The following MMP26 variants were observed in gnomAD, a reference collection of about 807,000 sequenced individuals.
MMP26 encodes the protein matrix metalloproteinase-26.
A neutral mutation model predicts 31.0 loss-of-function variants in MMP26; 33 were observed. The observed-to-expected ratio is 1.06, with a 90% CI of 0.81 to 1.42. The LOEUF (loss-of-function observed/expected upper bound fraction) is 1.42, where lower values mean the gene tolerates loss of function less well. MMP26 is among the 40% of genes most tolerant of loss of function. The pLI is 0.00. For synonymous variants in MMP26, 122 were observed against 114.9 expected, an observed-to-expected ratio of 1.06 and a Z score of -0.40; for missense variants, 347 against 316.1, an observed-to-expected ratio of 1.10 and a Z score of -0.74.
At chr11:4,969,553 A>T (rs1484801384) in intron 2 of MMP26, among the ~76,000 whole-genome samples, 1 of 152,100 alleles carries the variant, frequency 6.6e-6, no homozygotes, top group Non-Finnish European at 1.5e-5. Context: ...AAACATTACA[A>T]AAGTAGAAAC....
At chr11:4,921,952 T>C (rs559594412) in intron 2 of MMP26, among the ~76,000 whole-genome samples, 3 of 152,316 alleles carry the variant, frequency 2.0e-5, no homozygotes, top group Non-Finnish European at 4.4e-5. Flanking sequence ...ATCACCTGAG[T>C]AATGTGTATT....
intron 2 of MMP26, among the ~76,000 whole-genome samples, chr11:4,978,633 T>G (rs566018518): frequency 1.3e-5 from 2 of 152,088 alleles, no homozygotes; most frequent in African/African-American, 4.8e-5. Context: ...ATTAAAAAAA[T>G]TAACACAATG....
At position 4,706,077 on chromosome 11, in the gene MMP26, T is replaced by C. The variant is rs1027838818; in HGVS notation, c.-217+1032T>C. Among the ~76,000 whole-genome samples the C allele has an allele frequency of 2.6e-4, 40 of 152,104 alleles. No individual in the cohort carries two copies. The East Asian group carries it at 6.2e-3, about 24-fold the overall frequency. Reference sequence around the variant, plus strand: ...TTACGTTTCCCTTTGATTGCAGGAGTTGAAGAAAGATTCTATGAGCTATGT... The same window carrying C: ...TTACGTTTCCCTTTGATTGCAGGAGCTGAAGAAAGATTCTATGAGCTATGT... On this transcript the variant is annotated intron_variant, in intron 1 of 7. Transcript: ENST00000380390.
intron 2 of MMP26, among the ~76,000 whole-genome samples, chr11:4,812,525 G>A (rs941582763): frequency 1.2e-4 from 18 of 151,884 alleles, no homozygotes; most frequent in Non-Finnish European, 2.9e-5. Context: ...AAAGGAGAAG[G>A]GGAAAGAAAA....
intron 2 of MMP26, among the ~76,000 whole-genome samples, chr11:4,856,379 C>T (rs11607868): frequency 0.33 from 50,373 of 151,736 alleles, 9,101 homozygotes; most frequent in Non-Finnish European, 0.41. Context: ...GGAGGAAGAT[C>T]TACCAAGCAA....
chr11:4,710,701 G>A (rs4382899), intron 1 of MMP26: 272,710 of 330,266 alleles, frequency 0.83, 113,226 homozygotes, highest in African/African-American at 0.9. Context: ...AGATTATGTC[G>A]GTACTTCTGA....
chr11:4,741,487 T>C (rs1457094760), intron 1 of MMP26, among the ~76,000 whole-genome samples: 2 of 152,186 alleles, frequency 1.3e-5, no homozygotes, highest in Non-Finnish European at 2.9e-5. Context: ...AATGAGATCA[T>C]GTCCTTTGCA....
intron 2 of MMP26, chr11:4,848,432 A>G (rs1184122974): frequency 6.2e-7 from 1 of 1,614,056 alleles, no homozygotes; most frequent in East Asian, 2.2e-5. Flanking sequence ...TCATAGGGAT[A>G]TAGAAGAGGA....
intron 2 of MMP26, among the ~76,000 whole-genome samples, chr11:4,864,759 A>C (rs1850211936): frequency 6.6e-6 from 1 of 152,106 alleles, no homozygotes; most frequent in Non-Finnish European, 1.5e-5. Flanking sequence ...ACTCCCCTGA[A>C]GATATCAGGC....
intron 1 of MMP26, among the ~76,000 whole-genome samples, chr11:4,716,355 A>G (rs1847929834): frequency 6.6e-6 from 1 of 152,190 alleles, no homozygotes; most frequent in African/African-American, 2.4e-5. Flanking sequence ...TTATGCAGCT[A>G]TAGACAACTA....
intron 2 of MMP26, among the ~76,000 whole-genome samples, chr11:4,776,433 C>G (rs1848791666): frequency 6.6e-6 from 1 of 151,874 alleles, no homozygotes; most frequent in Non-Finnish European, 1.5e-5. Context: ...TTTCTTTTCT[C>G]TGAATCCTCC....
At chr11:4,836,651 CTTTTTTTTTTTTTTT>C (rs71480270) in intron 2 of MMP26, among the ~76,000 whole-genome samples, 1 of 95,960 alleles carries the variant, frequency 1.0e-5, no homozygotes, top group South Asian at 3.5e-4. Flanking sequence ...TCAAAGACAT[CTTTTTTTTTTTTTTT>C]TTTTTTTTTT....
At chr11:4,882,351 G>T (rs1392423866) in intron 2 of MMP26, 3 of 1,613,918 alleles carry the variant, frequency 1.9e-6, no homozygotes, top group Non-Finnish European at 2.5e-6. Flanking sequence ...CTGGTCATCT[G>T]CATTAGACCA....
chr11:4,712,153 T>C (rs1338255784), intron 1 of MMP26: 1 of 152,176 alleles, frequency 6.6e-6, no homozygotes, highest in African/African-American at 2.4e-5. Context: ...TTATATAACT[T>C]CACATATATA....
At chr11:4,915,215 C>T (rs1232285393) in intron 2 of MMP26, 1 of 1,613,784 alleles carries the variant, frequency 6.2e-7, no homozygotes, top group African/African-American at 1.3e-5. Flanking sequence ...AGAGACCAGG[C>T]CAATCCTGCC....
intron 2 of MMP26, among the ~76,000 whole-genome samples, chr11:4,874,290 A>G (rs1850350524): frequency 1.3e-5 from 2 of 152,128 alleles, no homozygotes; most frequent in South Asian, 2.1e-4. Context: ...CATATTGGAC[A>G]GTACTGCACT....
chr11:4,819,296 A>T (rs1677015151), intron 2 of MMP26, among the ~76,000 whole-genome samples: 1 of 152,196 alleles, frequency 6.6e-6, no homozygotes, highest in Non-Finnish European at 1.5e-5. Flanking sequence ...TGAGGCTGTG[A>T]AAATGGGGGA....
In MMP26 at chr11:4,916,353, C is replaced by T. The variant is rs114636891; in HGVS notation, c.-144-71715C>T. ...AAGTGAGAGTTTCCTCATTATTCCT[C>T]TTGGCCCTATTTAACTTTGCCTGCC... On this transcript the variant is annotated intron_variant, in intron 2 of 7. Transcript: ENST00000380390. Among the ~76,000 whole-genome samples the T allele has an allele frequency of 5.8e-3, 885 of 151,816 alleles. 7 individuals are homozygous for T. The highest frequency in any genetic ancestry group is 0.021 in the African/African-American group (853 of 41,368).
At chr11:4,717,484 C>T (rs191418748) in intron 1 of MMP26, among the ~76,000 whole-genome samples, 5 of 150,144 alleles carry the variant, frequency 3.3e-5, no homozygotes, top group Admixed American at 3.3e-4. Context: ...AGATATTAAC[C>T]AGTGGATATT....
Sources: allele counts gnomAD v4.1 joint callset (sites outside exome capture counted in the v4.1 genomes callset), GRCh38; gene constraint gnomAD v4.1.1; transcripts MANE v1.5; gene names NCBI Gene and HGNC (gene_info 2026-07-23, HGNC 2026-07-21).